The following NDUFS1 variants were observed in gnomAD, a reference collection of about 807,000 sequenced individuals.
NDUFS1 encodes the protein NADH:ubiquinone oxidoreductase core subunit S1.
Under a neutral mutation model 84.4 loss-of-function variants are expected in NDUFS1, and 61 were observed. That is an observed-to-expected ratio of 0.72 (90% confidence interval 0.59 to 0.89). The LOEUF is 0.89. Ranked by LOEUF, NDUFS1 falls within the 40% of genes least tolerant of loss-of-function variation. The pLI is 0.00. For missense variants in NDUFS1, 891 were observed against 890.0 expected, an observed-to-expected ratio of 1.00 and a Z score of -0.01; for synonymous variants, 275 against 290.0, an observed-to-expected ratio of 0.95 and a Z score of 0.53.
At chr2:206,138,719 GCA>G in intron 12 of NDUFS1, 105 bp from the exon 13 acceptor site, 1 of 1,160,632 alleles carries the variant, frequency 8.6e-7, no homozygotes, top group Non-Finnish European at 1.3e-6. Context: ...AATGTTAAAA[GCA>G]CAGACAATAC....
Position 206,116,173 on chromosome 2 carries a change from T to C in NDUFS1, c.*8012A>G, listed in dbSNP as rs1690937170. The C allele has an allele frequency of 6.5e-7, 1 of 1,538,166 alleles. No homozygotes were observed. The highest frequency in any genetic ancestry group is 1.1e-5 in the South Asian group (1 of 89,512). ...CTTCACTCATAAGTTCATCTAGTTA[T>C]GAAGGGTTACTCAGTGTCATCTTGA... On this transcript the variant is annotated 3_prime_UTR_variant, in exon 19 of 19. Transcript: ENST00000233190.
rs1690944014 is a variant in NDUFS1 at position 206,116,429 on chromosome 2, CG to C, written c.*7755del. The C allele has an allele frequency of 1.2e-6, 1 of 819,068 alleles. No individual in the cohort carries two copies. The highest frequency in any genetic ancestry group is 2.2e-5 in the Admixed American group (1 of 46,332). The allele number at this position is 819,068 out of a possible 1,614,324, so 50.7% of individuals were successfully genotyped here. On this transcript the variant is annotated 3_prime_UTR_variant, in exon 19 of 19. Transcript: ENST00000233190. ...GCTGCCAGGGCCTCGATAGGCAGGG[CG>C]CGGCAGGTGCCAGGACCACGTGCAG...
intron 2 of NDUFS1, among the ~76,000 whole-genome samples, 193 bp from the exon 3 acceptor site, chr2:206,152,703 C>CTTTTTTTTTTTTTTTTTT (rs71034411): frequency 8.2e-6 from 1 of 121,284 alleles, no homozygotes; most frequent in African/African-American, 3.2e-5. Flanking sequence ...CTTTCTTCTT[C>CTTTTTTTTTTTTTTTTTT]TTTTTTTTTT....
At position 206,117,717 on chromosome 2, in the gene NDUFS1, T is replaced by C. The variant is rs1407409178; in HGVS notation, c.*6468A>G. On this transcript the variant is annotated 3_prime_UTR_variant, in exon 19 of 19. Transcript: ENST00000233190. Reference sequence around the variant, plus strand: ...ATACTCTGCAAATGTTTAATAGATGTTGGAGCTGAATTTCAGGCTTTGTAA... The same window carrying C: ...ATACTCTGCAAATGTTTAATAGATGCTGGAGCTGAATTTCAGGCTTTGTAA... The C allele has an allele frequency of 6.6e-6, 1 of 152,240 alleles. No homozygotes were observed. The highest frequency in any genetic ancestry group is 2.4e-5 in the African/African-American group (1 of 41,464). 9.4% of individuals were successfully genotyped at this position (152,240 alleles called of 1,614,324 possible). A position where few individuals can be genotyped will look rare whatever the true frequency, so the allele number is the denominator to read the frequency against.
rs1318492855 is a variant in NDUFS1, at chr2:206,118,777, C to A, written c.*5408G>T. On this transcript the variant is annotated 3_prime_UTR_variant, in exon 19 of 19. Coordinates refer to ENST00000233190, the MANE Select transcript of NDUFS1 (RefSeq NM_005006.7). Reference sequence around the variant, plus strand: ...GACCAGCCTGACCAATATGGTGAAACCTCATCTCTACTAAAAATACAAAAA... The same window carrying A: ...GACCAGCCTGACCAATATGGTGAAAACTCATCTCTACTAAAAATACAAAAA... The A allele has an allele frequency of 6.6e-6, 1 of 151,944 alleles. No individual in the cohort carries two copies. The highest frequency in any genetic ancestry group is 1.5e-5 in the Non-Finnish European group (1 of 68,028). 9.4% of individuals were successfully genotyped at this position (151,944 alleles called of 1,614,324 possible).
chr2:206,146,203 C>T (rs567280994), intron 8 of NDUFS1, among the ~76,000 whole-genome samples: 40 of 152,198 alleles, frequency 2.6e-4, no homozygotes, highest in Middle Eastern at 6.8e-3. Context: ...AGAAGCCTCA[C>T]TTAAAAATAA....
In NDUFS1 at chr2:206,130,205, T is replaced by C; in HGVS notation, c.1591A>G (p.Lys531Glu). 3 of 1,614,184 alleles carry C rather than the reference T, an allele frequency of 1.9e-6. No homozygotes were observed. The highest frequency in any genetic ancestry group is 2.5e-6 in the Non-Finnish European group (3 of 1,180,034). ...SQVAALDLGY[K>E]PGVEAIRKNP... ...TTCCGAATTGCTTCCACCCCAGGCT[T>C]ATAGCCAAGGTCCAAAGCAGCTACT... Residue 531 changes from lysine to glutamate, a missense_variant, in exon 15 of 19, where the codon AAG becomes GAG. Physicochemically the swap from Lys to Glu is moderately conservative, Grantham distance 56. Transcript: ENST00000233190.
chr2:206,149,210 C>A, intron 4 of NDUFS1, 114 bp from the exon 5 acceptor site: 2 of 813,210 alleles, frequency 2.5e-6, no homozygotes, highest in Non-Finnish European at 3.9e-6. Context: ...CATTTGATAA[C>A]AGGCAAAGAA....
At chr2:206,151,031 T>C (rs1386751818) in intron 3 of NDUFS1, among the ~76,000 whole-genome samples, 1 of 152,194 alleles carries the variant, frequency 6.6e-6, no homozygotes, top group Non-Finnish European at 1.5e-5. Context: ...TCTACTCTCT[T>C]GTTTTCATTC....
chr2:206,126,581 G>A lies in NDUFS1; in HGVS notation c.2050C>T (p.Leu684Phe). 1.2e-6 allele frequency: 2 copies of A among 1,614,166 alleles called. No homozygotes were observed. Among genetic ancestry groups the A allele is most frequent in the Non-Finnish European group, 1.7e-6 (2 of 1,180,028 alleles). The change falls in exon 18 of 19, where the codon CTT becomes TTT. Residue 684 changes from leucine (L) to phenylalanine (F), a missense_variant. Physicochemically the swap from Leu to Phe is conservative, Grantham distance 22. Transcript: ENST00000233190. ...LVNQQLLADP[L>F]VPPQLTIKDF... ...TTTATAGTTAGCTGAGGTGGAACAA[G>A]TGGGTCAGCAAGAAGCTGCTGGTTC... is the stretch of plus-strand genomic sequence containing the variant.
chr2:206,126,745 C>A lies in NDUFS1; in HGVS notation c.1984G>T (p.Ala662Ser). 3 of 1,614,158 alleles carry A rather than the reference C, an allele frequency of 1.9e-6. No homozygotes were observed. The highest frequency in any genetic ancestry group is 2.5e-6 in the Non-Finnish European group (3 of 1,180,024). The change falls in exon 17 of 19, where the codon GCT (alanine) becomes TCT (serine). Residue 662 changes from alanine to serine, a missense_variant. Coordinates refer to ENST00000233190, the MANE Select transcript of NDUFS1 (RefSeq NM_005006.7). ...NLVRYDDIEG[A>S]NYFQQANELS... ...TCATTTGCTTGCTGGAAGTAATTAGCCCCTTCAATATCATCATATCGAACA... is the reference window on the plus strand; with the variant it reads ...TCATTTGCTTGCTGGAAGTAATTAGACCCTTCAATATCATCATATCGAACA...
In NDUFS1 at chr2:206,130,166, C is replaced by A. The variant is rs764286995; in HGVS notation, c.1630G>T (p.Val544Leu). The A allele has an allele frequency of 1.1e-5, 17 of 1,613,970 alleles. No individual in the cohort carries two copies. In the East Asian group the frequency reaches 3.6e-4, roughly 34 times the overall value. Residue 544 changes from valine (V) to leucine (L), a missense_variant, in exon 15 of 19, where the codon GTG becomes TTG. By Grantham distance (32) the Val-to-Leu change is conservative. Transcript: ENST00000233190. ...CCATCTGCTCCCAGGAGAAACAGCA[C>A]CTTGGGAGGGTTCTTCCGAATTGCT... ...VEAIRKNPPKVLFLLGADGGC... is the reference protein window; with the variant it reads ...VEAIRKNPPKLLFLLGADGGC...
At chr2:206,138,372 C>T (rs553395308) in intron 13 of NDUFS1, 113 bp downstream of exon 13, 21 of 1,273,900 alleles carry the variant, frequency 1.6e-5, no homozygotes, top group East Asian at 7.9e-5. Context: ...TGAGCCACCG[C>T]GCCCAACCTG....
chr2:206,140,625 C>A (rs1691900081), intron 12 of NDUFS1, among the ~76,000 whole-genome samples: 1 of 151,946 alleles, frequency 6.6e-6, no homozygotes, highest in African/African-American at 2.4e-5. Flanking sequence ...GGATTACAGG[C>A]ATGCGCCACC....
chr2:206,158,478 C>T (rs1687766155), intron 1 of NDUFS1, among the ~76,000 whole-genome samples: 1 of 152,202 alleles, frequency 6.6e-6, no homozygotes, highest in Non-Finnish European at 1.5e-5. Context: ...TTTACGGACT[C>T]ATTTCTGGCT....
chr2:206,144,261 T>A, intron 9 of NDUFS1, 129 bp from the exon 10 acceptor site: 1 of 681,778 alleles, frequency 1.5e-6, no homozygotes, highest in Non-Finnish European at 2.6e-6. Context: ...AACACCTAGA[T>A]ACAAGTAATT....
chr2:206,141,628 C>G (rs1691959602), intron 12 of NDUFS1, among the ~76,000 whole-genome samples: 1 of 148,138 alleles, frequency 6.8e-6, no homozygotes, highest in Non-Finnish European at 1.5e-5. Flanking sequence ...TGCAGTGGCT[C>G]ACACCTGAAA....
chr2:206,121,266 G>A lies in NDUFS1; in HGVS notation c.*2919C>T, dbSNP rs1441985069. On this transcript the variant is annotated 3_prime_UTR_variant, in exon 19 of 19. Coordinates refer to ENST00000233190, the MANE Select transcript of NDUFS1 (RefSeq NM_005006.7). ...ATTCCTTCACTGCTTAGAATGTCAT[G>A]ATTCCACCAGACAGGTTACTCTCAT... 6.6e-6 allele frequency: 1 copy of A among 152,116 alleles called. No homozygotes were observed. The highest frequency in any genetic ancestry group is 1.5e-5 in the Non-Finnish European group (1 of 68,020). The allele number at this position is 152,116 out of a possible 1,614,324, so 9.4% of individuals were successfully genotyped here. A position where few individuals can be genotyped will look rare whatever the true frequency, so the allele number is the denominator to read the frequency against.
intron 1 of NDUFS1, among the ~76,000 whole-genome samples, chr2:206,155,210 C>G (rs1347830476): frequency 6.6e-6 from 1 of 152,108 alleles, no homozygotes; most frequent in Admixed American, 6.5e-5. Flanking sequence ...CCTCCGCCTC[C>G]CAGGTTCAAG....
Sources: allele counts gnomAD v4.1 joint callset (sites outside exome capture counted in the v4.1 genomes callset), GRCh38; gene constraint gnomAD v4.1.1; transcripts MANE v1.5; gene names NCBI Gene and HGNC (gene_info 2026-07-23, HGNC 2026-07-21).